GRAMD4: variants seen among roughly 807,000 people sequenced by gnomAD.
GRAMD4 encodes the protein GRAM domain containing 4.
In GRAMD4, 25 loss-of-function variants were observed where a neutral mutation model predicts 83.9. The observed-to-expected ratio is 0.30, with a 90% CI of 0.22 to 0.42. GRAMD4 has a LOEUF of 0.42. Ranked by LOEUF, GRAMD4 falls within the 10% of genes least tolerant of loss-of-function variation. The probability of loss-of-function intolerance (pLI) is 1.00; values close to 1 mark genes in which losing one functional copy is unlikely to be tolerated. For missense variants in GRAMD4, 593 were observed against 788.7 expected (o/e 0.75, Z 2.97); for synonymous variants, 336 against 320.9 (o/e 1.05, Z -0.50).
Position 46,607,055 on chromosome 22 carries a change from C to T in GRAMD4, c.-49-19696C>T, listed in dbSNP as rs188444103. On this transcript the variant is annotated intron_variant, in intron 1 of 1. Transcript: ENST00000431155. ...TCCAGTGAGTCCAGAGCTCTGCTGC[C>T]GACCCCACCTCACTCCGACAGCCCA... 7.5e-4 allele frequency among the ~76,000 whole-genome samples: 114 copies of T among 152,288 alleles called. 1 individual carries two copies. Among genetic ancestry groups the T allele is most frequent in the African/African-American group, 2.6e-3 (107 of 41,548 alleles).
Position 46,677,632 on chromosome 22 carries a change from G to T in GRAMD4, c.*381G>T. On this transcript the variant is annotated 3_prime_UTR_variant, in exon 19 of 19. Transcript: ENST00000406902. ...AGAGGTTCTCGCAACCTTGTGTCCC[G>T]CTCTCCAGAGGCCAGAAGCTCGTCC... is the stretch of plus-strand genomic sequence containing the variant. 1.4e-5 allele frequency: 14 copies of T among 1,006,624 alleles called. No homozygotes were observed. The highest frequency in any genetic ancestry group is 1.7e-5 in the Non-Finnish European group (14 of 843,020). The allele number at this position is 1,006,624 out of a possible 1,614,324, so 62.4% of individuals were successfully genotyped here. A position where few individuals can be genotyped will look rare whatever the true frequency, so the allele number is the denominator to read the frequency against.
intron 1 of GRAMD4, chr22:46,587,989 G>C (rs1271387093): frequency 2.5e-5 from 24 of 975,948 alleles, no homozygotes; most frequent in Non-Finnish European, 2.8e-5. Flanking sequence ...GCCTGGTCAG[G>C]AGGGGCACAG....
At chr22:46,669,817 G>A (rs1342137098) in intron 13 of GRAMD4, among the ~76,000 whole-genome samples, 1 of 152,198 alleles carries the variant, frequency 6.6e-6, no homozygotes, top group Admixed American at 6.5e-5. Context: ...GACCTCAGGC[G>A]ATCTGCCCAC....
chr22:46,611,863 G>C (rs558113064), intron 1 of GRAMD4, among the ~76,000 whole-genome samples: 1 of 151,378 alleles, frequency 6.6e-6, no homozygotes, highest in East Asian at 1.9e-4. Context: ...CGGGCATGGT[G>C]GGGGGCACCT....
At chr22:46,644,697 G>GTTTTTTTGTTT (rs2082044002) in intron 3 of GRAMD4, among the ~76,000 whole-genome samples, 1 of 97,338 alleles carries the variant, frequency 1.0e-5, no homozygotes, top group African/African-American at 4.0e-5. Context: ...CTTGTTCCCT[G>GTTTTTTTGTTT]TTTTTTTTTT....
intron 1 of GRAMD4, among the ~76,000 whole-genome samples, chr22:46,626,485 T>G (rs1301830961): frequency 2.0e-5 from 3 of 152,114 alleles, no homozygotes; most frequent in African/African-American, 7.2e-5. Context: ...CTGGCCTGGG[T>G]GGGGTGGCCA....
In GRAMD4 at chr22:46,677,127, T is replaced by C; in HGVS notation, c.1633-20T>C. The C allele has an allele frequency of 2.5e-6, 4 of 1,611,022 alleles. No homozygotes were observed. The highest frequency in any genetic ancestry group is 2.5e-6 in the Non-Finnish European group (3 of 1,179,248). ...AGCCTGGCTGTGCCATGCTCACTGG[T>C]GGCATTTCTTCCCTGCCAGCCGCTC... is the stretch of plus-strand genomic sequence containing the variant. On this transcript the variant is annotated intron_variant, in intron 18 of 18. Coordinates refer to ENST00000406902, the MANE Select transcript of GRAMD4 (RefSeq NM_015124.5).
intron 16 of GRAMD4, among the ~76,000 whole-genome samples, chr22:46,675,224 ACTCAGAGCAGTGGCCGTGAGTGT>A (rs2082578238): frequency 6.6e-6 from 1 of 151,560 alleles, no homozygotes; most frequent in Admixed American, 6.6e-5. Flanking sequence ...GCCGTGTCTC[ACTCAGAGCAGTGGCCGTGAGTGT>A]CTCAGAGCAG....
At chr22:46,643,338 TCC>T (rs2082019093) in intron 3 of GRAMD4, among the ~76,000 whole-genome samples, 1 of 117,624 alleles carries the variant, frequency 8.5e-6, no homozygotes, top group Non-Finnish European at 1.9e-5. Context: ...CATCTATCCA[TCC>T]ATCCATCCAT....
intron 1 of GRAMD4, among the ~76,000 whole-genome samples, chr22:46,609,813 A>T (rs1473732815): frequency 6.6e-6 from 1 of 152,212 alleles, no homozygotes; most frequent in Admixed American, 6.5e-5. Flanking sequence ...TCCTGGCTTC[A>T]CCAGTCTTCT....
rs1339300751 is a variant in GRAMD4 at position 46,622,898 on chromosome 22, C to T, written c.-50+2333C>T. On this transcript the variant is annotated intron_variant, in intron 1 of 18. Transcript: ENST00000406902. This position sits in a 1 kb window ranked among gnomAD's most constrained non-coding sequence, Gnocchi z 4.0. ...CTGCACTCCAGCCTGGGCGACAGAGCAAGACTCCATCTCTAAAAAAAAAAA... is the reference window on the plus strand; with the variant it reads ...CTGCACTCCAGCCTGGGCGACAGAGTAAGACTCCATCTCTAAAAAAAAAAA... Among the ~76,000 whole-genome samples the T allele has an allele frequency of 1.5e-5, 2 of 131,692 alleles. No individual in the cohort carries two copies. Among genetic ancestry groups the T allele is most frequent in the Admixed American group, 8.4e-5 (1 of 11,968 alleles). 86.4% of individuals were successfully genotyped at this position (131,692 alleles called of 152,430 possible).
At chr22:46,667,698 G>A (rs950606776) in intron 10 of GRAMD4, among the ~76,000 whole-genome samples, 3 of 152,224 alleles carry the variant, frequency 2.0e-5, no homozygotes, top group Non-Finnish European at 4.4e-5. Flanking sequence ...GCTGTTGCCC[G>A]CCCAGCACTG....
intron 3 of GRAMD4, among the ~76,000 whole-genome samples, chr22:46,654,263 C>T (rs964376409): frequency 3.3e-5 from 5 of 152,170 alleles, no homozygotes; most frequent in Non-Finnish European, 5.9e-5. Flanking sequence ...AGGAAGGGTC[C>T]CCAGGCTCCT....
In GRAMD4 at chr22:46,622,051, C is replaced by T. The variant is rs73888602; in HGVS notation, c.-50+1486C>T. Among the ~76,000 whole-genome samples the T allele has an allele frequency of 5.1e-3, 783 of 152,280 alleles. 11 individuals are homozygous for T. The highest frequency in any genetic ancestry group is 0.018 in the African/African-American group (739 of 41,554). ...GGGGCTGAGCCGGTGGCTGGGAGAG[C>T]AGACTGAGGAGTAGCTGGACACTGG... On this transcript the variant is annotated intron_variant, in intron 1 of 18. Coordinates refer to ENST00000406902, the MANE Select transcript of GRAMD4 (RefSeq NM_015124.5). This position sits in a 1 kb window ranked among gnomAD's most constrained non-coding sequence, Gnocchi z 4.0.
rs1276132096 is a variant in GRAMD4, at chr22:46,621,586, G to A, written c.-50+1021G>A. Among the ~76,000 whole-genome samples, 1 of 61,868 alleles carries A rather than the reference G, an allele frequency of 1.6e-5. No individual in the cohort carries two copies. The highest frequency in any genetic ancestry group is 6.1e-5 in the African/African-American group (1 of 16,496). The allele number at this position is 61,868 out of a possible 152,430, so 40.6% of individuals were successfully genotyped here. A position where few individuals can be genotyped will look rare whatever the true frequency, so the allele number is the denominator to read the frequency against. On this transcript the variant is annotated intron_variant, in intron 1 of 18. Transcript: ENST00000406902. The surrounding 1 kb of genome is among the most constrained non-coding windows in gnomAD (Gnocchi z 5.8). ...GGGCCCATCCCTGGCGGTGTGTCGC[G>A]GAGGGCACCCCTACCCCGGTGCAGG...
At chr22:46,587,057 C>T (rs974286745) in intron 1 of GRAMD4, among the ~76,000 whole-genome samples, 2 of 152,230 alleles carry the variant, frequency 1.3e-5, no homozygotes, top group South Asian at 2.1e-4. Flanking sequence ...CCTACTTCCT[C>T]GCATGCTTTC....
At position 46,596,395 on chromosome 22, in the gene GRAMD4, C is replaced by T. The variant is rs533084097; in HGVS notation, c.-50+19105C>T. On this transcript the variant is annotated intron_variant, in intron 1 of 1. Coordinates refer to the GRAMD4 transcript ENST00000431155. ...CTCCAGGGCCATCTGGCCACAGTCC[C>T]GAAGTCTTTGTCACCATCCCTCTGT... is the stretch of plus-strand genomic sequence containing the variant. Among the ~76,000 whole-genome samples, 60 of 152,240 alleles carry T rather than the reference C, an allele frequency of 3.9e-4. 1 individual carries two copies. The highest frequency in any genetic ancestry group is 3.7e-3 in the Admixed American group (57 of 15,288).
Position 46,663,549 on chromosome 22 carries a change from G to A in GRAMD4, c.600-289G>A, listed in dbSNP as rs529336118. ...GTCCCGAGGGAGCTAGGTCAGCAAA[G>A]GCCCTGCCCTTGAGGACTTCTGTTC... On this transcript the variant is annotated intron_variant, in intron 6 of 18. Coordinates refer to ENST00000406902, the MANE Select transcript of GRAMD4 (RefSeq NM_015124.5). Among the ~76,000 whole-genome samples, 4 of 152,340 alleles carry A rather than the reference G, an allele frequency of 2.6e-5. No homozygotes were observed. In the South Asian group the frequency reaches 8.3e-4, roughly 32 times the overall value.
rs1263334291 is a variant in GRAMD4 at position 46,679,593 on chromosome 22, C to CT, written c.*2343dup. On this transcript the variant is annotated 3_prime_UTR_variant, in exon 19 of 19. Coordinates refer to ENST00000406902, the MANE Select transcript of GRAMD4 (RefSeq NM_015124.5). ...ATGTTAAATTTTTTATGTCTGAAGC[C>CT]TGAGTCTATTTTGGATCTGTAAATA... 1 of 983,616 alleles carries CT rather than the reference C, an allele frequency of 1.0e-6. No individual in the cohort carries two copies. Among genetic ancestry groups the CT allele is most frequent in the African/African-American group, 1.7e-5 (1 of 57,146 alleles). The allele number at this position is 983,616 out of a possible 1,614,324, so 60.9% of individuals were successfully genotyped here.
Sources: gnomAD v4.1 joint callset for allele counts (sites outside exome capture counted in the v4.1 genomes callset) on GRCh38, gnomAD v4.1.1 for gene constraint, Gnocchi (gnomAD v3.1) non-coding constraint, MANE v1.5 for transcripts, NCBI Gene and HGNC (gene_info 2026-07-23, HGNC 2026-07-21) for gene names.